The following ENTR1 variants were observed in gnomAD, a reference collection of about 807,000 sequenced individuals.
ENTR1 encodes the protein endosome-associated-trafficking regulator 1.
In ENTR1, 47 loss-of-function variants were observed where a neutral mutation model predicts 47.9. That is an observed-to-expected ratio of 0.98 (90% CI 0.78 to 1.25). The LOEUF (loss-of-function observed/expected upper bound fraction) is 1.25, where lower values mean the gene tolerates loss of function less well. Ranked by LOEUF, ENTR1 falls within the 50% of genes most tolerant of loss-of-function variation. ENTR1 has a pLI of 0.00. For missense variants in ENTR1, 668 were observed against 570.5 expected, an observed-to-expected ratio of 1.17 and a Z score of -1.74; for synonymous variants, 290 against 245.8, an observed-to-expected ratio of 1.18 and a Z score of -1.68.
Position 136,405,079 on chromosome 9 carries a change from A to G in ENTR1, c.1005+12T>C, listed in dbSNP as rs1288495682. ...CCACCCAGCTCGTCCGATTCAGAGA[A>G]GAAACCCATACGGTCATCAGCTCCA... On this transcript the variant is annotated intron_variant, in intron 7 of 9. Coordinates refer to ENST00000357365, the MANE Select transcript of ENTR1 (RefSeq NM_001039707.2). The G allele has an allele frequency of 6.2e-7, 1 of 1,606,936 alleles. No homozygotes were observed. The highest frequency in any genetic ancestry group is 1.1e-5 in the South Asian group (1 of 90,930).
At position 136,407,381 on chromosome 9, in the gene ENTR1, G is replaced by C; in HGVS notation, c.583C>G (p.Gln195Glu). The change falls in exon 5 of 10, where the codon CAG (glutamine) becomes GAG (glutamate). Residue 195 changes from glutamine (Q) to glutamate (E), a missense_variant. Coordinates refer to ENST00000357365, the MANE Select transcript of ENTR1 (RefSeq NM_001039707.2). ...SGAYLPSAIE[Q>E]THPERVPAGT... ...GCAGGGACCCTCTCGGGGTGAGTCTGCTCGATGGCGGACGGCAGGTAGGCC... is the reference window on the plus strand; with the variant it reads ...GCAGGGACCCTCTCGGGGTGAGTCTCCTCGATGGCGGACGGCAGGTAGGCC... The C allele has an allele frequency of 6.2e-7, 1 of 1,606,938 alleles. No homozygotes were observed. The highest frequency in any genetic ancestry group is 2.2e-5 in the East Asian group (1 of 44,694).
Position 136,407,262 on chromosome 9 carries a change from G to C in ENTR1, c.702C>G (p.Asp234Glu), listed in dbSNP as rs921088661. The change falls in exon 5 of 10, where the codon GAC becomes GAG. Residue 234 changes from aspartate to glutamate, a missense_variant. Transcript: ENST00000357365. ...PESLPSWALS[D>E]TDSRVSPASP... ...AGGCCGGAGACACGCGAGAATCAGT[G>C]TCACTCAACGCCCACGAGGGCAGAG... 15 of 1,612,936 alleles carry C rather than the reference G, an allele frequency of 9.3e-6. No homozygotes were observed. Among genetic ancestry groups the C allele is most frequent in the Non-Finnish European group, 1.2e-5 (14 of 1,179,982 alleles).
intron 2 of ENTR1, 85 bp from the exon 3 acceptor site, chr9:136,409,152 TC>T: frequency 9.1e-7 from 1 of 1,100,706 alleles, no homozygotes; most frequent in Non-Finnish European, 1.4e-6. Flanking sequence ...ACATGGAGTC[TC>T]CACTGCAGTG....
At chr9:136,406,419 A>C (rs1284844016) in intron 5 of ENTR1, among the ~76,000 whole-genome samples, 1 of 148,410 alleles carries the variant, frequency 6.7e-6, no homozygotes, top group African/African-American at 2.5e-5. Context: ...CAGTGAGCCG[A>C]GATCGTGCCA....
chr9:136,410,151 G>A lies in ENTR1; in HGVS notation c.159C>T (p.Gly53=), dbSNP rs1835023362. 4 of 1,612,458 alleles carry A rather than the reference G, an allele frequency of 2.5e-6. No individual in the cohort carries two copies. Among genetic ancestry groups the A allele is most frequent in the East Asian group, 2.2e-5 (1 of 44,842 alleles). Residue 53 remains glycine, a synonymous_variant, in exon 2 of 10, where the codon GGC becomes GGT. Coordinates refer to ENST00000357365, the MANE Select transcript of ENTR1 (RefSeq NM_001039707.2). ...HGRDLDSPFF[G]IRPAFMCYVP... is the part of the protein sequence containing the mutation. ...CATAGCACATAAAGGCCGGCCGAAT[G>A]CCGAAGAAGGGGGAGTCCAGGTCCC...
rs764012649 is a variant in ENTR1 at position 136,407,539 on chromosome 9, C to A, written c.425G>T (p.Gly142Val). The A allele has an allele frequency of 2.5e-6, 4 of 1,588,232 alleles. No homozygotes were observed. Among genetic ancestry groups the A allele is most frequent in the Non-Finnish European group, 3.4e-6 (4 of 1,171,080 alleles). The change falls in exon 5 of 10, where the codon GGA becomes GTA. Residue 142 changes from glycine (G) to valine (V), a missense_variant. Coordinates refer to ENST00000357365, the MANE Select transcript of ENTR1 (RefSeq NM_001039707.2). ...GGAGGGTGGGGAGTTGTGGTCAAGT[C>A]CCAGGGAATGCCTCGAGGCTTCCTA... ...YAKEASRHSLGLDHNSPPSQT... is the reference protein window; with the variant it reads ...YAKEASRHSLVLDHNSPPSQT...
At position 136,408,949 on chromosome 9, in the gene ENTR1, G is replaced by A. The variant is rs777044570; in HGVS notation, c.289+50C>T. ...TGACAGTCCCACCAGACACGTGCCTGGCACTGTGTTGGATGGAGACAAGAA... is the reference window on the plus strand; with the variant it reads ...TGACAGTCCCACCAGACACGTGCCTAGCACTGTGTTGGATGGAGACAAGAA... On this transcript the variant is annotated intron_variant, in intron 3 of 9. Transcript: ENST00000357365. The A allele has an allele frequency of 1.1e-5, 17 of 1,479,564 alleles. No individual in the cohort carries two copies. In the East Asian group the frequency reaches 2.7e-4, roughly 24 times the overall value. 91.7% of individuals were successfully genotyped at this position (1,479,564 alleles called of 1,614,324 possible).
rs1474716577 is a variant in ENTR1, at chr9:136,402,585, TAGAA to T, written c.*199_*202del. The stretch of plus-strand genomic sequence containing the variant: ...AGGAATTTCGCCAAGAAGGGCTGCA[TAGAA>T]ACCACAGAGACAACTCGGCCAGGGC... On this transcript the variant is annotated 3_prime_UTR_variant, in exon 10 of 10. Transcript: ENST00000357365. 4 of 452,568 alleles carry T rather than the reference TAGAA, an allele frequency of 8.8e-6. No homozygotes were observed. The highest frequency in any genetic ancestry group is 8.0e-5 in the African/African-American group (4 of 49,822). The allele number at this position is 452,568 out of a possible 1,614,324, so 28.0% of individuals were successfully genotyped here. A position where few individuals can be genotyped will look rare whatever the true frequency, so the allele number is the denominator to read the frequency against.
chr9:136,404,474 A>C (rs1472664875), intron 8 of ENTR1, among the ~76,000 whole-genome samples, 157 bp downstream of exon 8: 1 of 152,150 alleles, frequency 6.6e-6, no homozygotes, highest in Non-Finnish European at 1.5e-5. Flanking sequence ...CCTCTGCTTC[A>C]CGCCCTGACA....
rs567884224 is a variant in ENTR1, at chr9:136,404,559, C to G, written c.1068+72G>C. On this transcript the variant is annotated intron_variant, in intron 8 of 9. Coordinates refer to ENST00000357365, the MANE Select transcript of ENTR1 (RefSeq NM_001039707.2). ...GGGAAACCCCAGCAGAGTCTTTCGCCTCTTTCTTACTGAATTCATTATGTG... is the reference window on the plus strand; with the variant it reads ...GGGAAACCCCAGCAGAGTCTTTCGCGTCTTTCTTACTGAATTCATTATGTG... 1.7e-5 allele frequency: 26 copies of G among 1,524,666 alleles called. No individual in the cohort carries two copies. The East Asian group carries it at 2.5e-4, about 15-fold the overall frequency. 94.4% of individuals were successfully genotyped at this position (1,524,666 alleles called of 1,614,324 possible). A position where few individuals can be genotyped will look rare whatever the true frequency, so the allele number is the denominator to read the frequency against.
rs1368171753 is a variant in ENTR1, at chr9:136,406,610, G to C, written c.819+535C>G. On this transcript the variant is annotated intron_variant, in intron 5 of 9. Transcript: ENST00000357365. ...TCCTGCCTCAGCCTCCCAAGTAGCT[G>C]GGACTACAGGCGCCTGCCGCCACGC... Among the ~76,000 whole-genome samples, 7 of 151,998 alleles carry C rather than the reference G, an allele frequency of 4.6e-5. No homozygotes were observed. The East Asian group carries it at 7.9e-4, about 17-fold the overall frequency.
At position 136,410,188 on chromosome 9, in the gene ENTR1, C is replaced by CG; in HGVS notation, c.121dup (p.Arg41ProfsTer44). The CG allele has an allele frequency of 6.2e-7, 1 of 1,606,700 alleles. No homozygotes were observed. Among genetic ancestry groups the CG allele is most frequent in the Non-Finnish European group, 8.5e-7 (1 of 1,177,436 alleles). On this transcript the variant is annotated frameshift_variant, in exon 2 of 10. Coordinates refer to ENST00000357365, the MANE Select transcript of ENTR1 (RefSeq NM_001039707.2). LOFTEE classifies it high-confidence loss of function. ...GGAGTCCAGGTCCCTGCCATGGGGGCGCTCACAATTTAGCTGGGGGAGACA... is the reference window on the plus strand; with the variant it reads ...GGAGTCCAGGTCCCTGCCATGGGGGCGGCTCACAATTTAGCTGGGGGAGACA...
Position 136,407,436 on chromosome 9 carries a change from C to G in ENTR1, c.528G>C (p.Glu176Asp). The G allele has an allele frequency of 6.2e-7, 1 of 1,610,792 alleles. No individual in the cohort carries two copies. Among genetic ancestry groups the G allele is most frequent in the Non-Finnish European group, 8.5e-7 (1 of 1,179,754 alleles). The part of the protein sequence containing the change: ...DPTGAGDLLD[E>D]EEDEDTGWSG... ...TCCATCCGGTGTCCTCATCCTCCTCCTCATCCAGGAGGTCACCAGCCCCTG... is the reference window on the plus strand; with the variant it reads ...TCCATCCGGTGTCCTCATCCTCCTCGTCATCCAGGAGGTCACCAGCCCCTG... Residue 176 changes from glutamate (E) to aspartate (D), a missense_variant, in exon 5 of 10, where the codon GAG becomes GAC. Glu to Asp is a conservative substitution (Grantham distance 45). Coordinates refer to ENST00000357365, the MANE Select transcript of ENTR1 (RefSeq NM_001039707.2).
At chr9:136,403,750 A>C (rs976813003) in intron 9 of ENTR1, among the ~76,000 whole-genome samples, 10 of 151,996 alleles carry the variant, frequency 6.6e-5, no homozygotes, top group African/African-American at 2.2e-4. Flanking sequence ...GGAAACCCCC[A>C]CTATTTCCTT....
chr9:136,405,241 T>A (rs1332799340), intron 6 of ENTR1, 39 bp from the exon 7 acceptor site: 10 of 1,513,606 alleles, frequency 6.6e-6, no homozygotes, highest in Non-Finnish European at 9.2e-6. Flanking sequence ...TTTCTGTGGC[T>A]ACTTTTAAGA....
In ENTR1 at chr9:136,404,648, C is replaced by T. The variant is rs765739594; in HGVS notation, c.1051G>A (p.Glu351Lys). The change falls in exon 8 of 10, where the codon GAA becomes AAA. Residue 351 changes from glutamate (E) to lysine (K), a missense_variant. Physicochemically the swap from Glu to Lys is moderately conservative, Grantham distance 56 (BLOSUM62 1). Coordinates refer to ENST00000357365, the MANE Select transcript of ENTR1 (RefSeq NM_001039707.2). ...AENHVVKLKQ[E>K]ISLLQAQVSN... The stretch of plus-strand genomic sequence containing the variant: ...TTAATTACCTGGAGCAAACTGATTT[C>T]CTGTTTTAGTTTCACGACGTGGTTT... 2.5e-5 allele frequency: 41 copies of T among 1,614,004 alleles called. No individual in the cohort carries two copies. The highest frequency in any genetic ancestry group is 8.3e-5 in the Admixed American group (5 of 60,008).
In ENTR1 at chr9:136,406,055, C is replaced by T. The variant is rs569797851; in HGVS notation, c.820-77G>A. The T allele has an allele frequency of 1.5e-5, 15 of 1,019,780 alleles. No homozygotes were observed. The South Asian group carries it at 2.2e-4, about 15-fold the overall frequency. 63.2% of individuals were successfully genotyped at this position (1,019,780 alleles called of 1,614,324 possible). A position where few individuals can be genotyped will look rare whatever the true frequency, so the allele number is the denominator to read the frequency against. ...GGCGTGTGCTTCTGCGGTGTGGCTCCAGAGCCTCCTGATAAGCAGAGATGC... is the reference window on the plus strand; with the variant it reads ...GGCGTGTGCTTCTGCGGTGTGGCTCTAGAGCCTCCTGATAAGCAGAGATGC... On this transcript the variant is annotated intron_variant, in intron 5 of 9. Coordinates refer to ENST00000357365, the MANE Select transcript of ENTR1 (RefSeq NM_001039707.2).
intron 6 of ENTR1, 149 bp downstream of exon 6, chr9:136,405,756 C>T: frequency 1.8e-6 from 1 of 540,972 alleles, no homozygotes; most frequent in South Asian, 2.5e-5. Flanking sequence ...AACTTTTAGG[C>T]AGAACACAGA....
chr9:136,404,320 G>C (rs1187803714), intron 8 of ENTR1, 126 bp from the exon 9 acceptor site: 4 of 1,312,708 alleles, frequency 3.0e-6, no homozygotes, highest in Non-Finnish European at 3.2e-6. Flanking sequence ...TGGCCTAACT[G>C]GGGGCTCGCC....
Sources: allele counts gnomAD v4.1 joint callset (sites outside exome capture counted in the v4.1 genomes callset), GRCh38; gene constraint gnomAD v4.1.1; transcripts MANE v1.5; gene names NCBI Gene and HGNC (gene_info 2026-07-23, HGNC 2026-07-21).